SFT2D2: variants seen among roughly 807,000 people sequenced by gnomAD.
SFT2D2 encodes SFT2 domain containing 2.
SFT2D2 carries 21 observed loss-of-function variants against 27.4 expected under a neutral mutation model. That is an observed-to-expected ratio of 0.77 (90% confidence interval 0.54 to 1.10). The LOEUF (loss-of-function observed/expected upper bound fraction) is 1.10, where lower values mean the gene tolerates loss of function less well. SFT2D2 is among the 50% of genes least tolerant of loss of function. The pLI is 0.00. For missense variants in SFT2D2, 187 were observed against 194.2 expected, an observed-to-expected ratio of 0.96 and a Z score of 0.22; for synonymous variants, 72 against 71.7, an observed-to-expected ratio of 1.00 and a Z score of -0.02.
At chr1:168,226,317 G>A (rs1054555786) in intron 1 of SFT2D2, among the ~76,000 whole-genome samples, 175 bp downstream of exon 1, 5 of 152,132 alleles carry the variant, frequency 3.3e-5, no homozygotes, top group African/African-American at 9.7e-5. Context: ...ACGGGGCAGT[G>A]GCCGCGGCGT....
At chr1:168,242,171 T>TTA (rs1647663218) in intron 7 of SFT2D2, among the ~76,000 whole-genome samples, 1 of 152,224 alleles carries the variant, frequency 6.6e-6, no homozygotes. Context: ...TTTTGACCGA[T>TTA]ATTAAAGTGC....
At chr1:168,235,211 C>T (rs769323444) in intron 4 of SFT2D2, 29 bp downstream of exon 4, 2 of 1,599,308 alleles carry the variant, frequency 1.3e-6, no homozygotes, top group East Asian at 2.2e-5. Flanking sequence ...CTGGACTTCT[C>T]AGATGGGAGT....
intron 6 of SFT2D2, among the ~76,000 whole-genome samples, chr1:168,238,609 A>G (rs546972043): frequency 1.3e-5 from 2 of 152,204 alleles, no homozygotes; most frequent in South Asian, 2.1e-4. Context: ...TGAGCTTCCT[A>G]GACTTGAGCC....
chr1:168,226,234 A>C (rs1700457304), intron 1 of SFT2D2, 92 bp downstream of exon 1: 2 of 1,183,020 alleles, frequency 1.7e-6, no homozygotes, highest in Non-Finnish European at 2.3e-6. Flanking sequence ...GACTCCCTGG[A>C]GTTTCTGGAC....
At position 168,249,677 on chromosome 1, in the gene SFT2D2, T is replaced by C. The variant is rs536931983; in HGVS notation, c.*7137T>C. ...TGGCTGTGAGCTGTGACTAGTCATA[T>C]ACTAGTTGTGTCATTTTGAACAGGT... On this transcript the variant is annotated 3_prime_UTR_variant, in exon 8 of 8. Transcript: ENST00000271375. 2 of 152,828 alleles carry C rather than the reference T, an allele frequency of 1.3e-5. No homozygotes were observed. Among genetic ancestry groups the C allele is most frequent in the Admixed American group, 6.5e-5 (1 of 15,302 alleles). The allele number at this position is 152,828 out of a possible 1,614,324, so 9.5% of individuals were successfully genotyped here. A position where few individuals can be genotyped will look rare whatever the true frequency, so the allele number is the denominator to read the frequency against.
At position 168,252,472 on chromosome 1, in the gene SFT2D2, C is replaced by T. The variant is rs2102338901; in HGVS notation, c.*9932C>T. On this transcript the variant is annotated 3_prime_UTR_variant, in exon 8 of 8. Coordinates refer to ENST00000271375, the MANE Select transcript of SFT2D2 (RefSeq NM_199344.3). ...GAGCCTTGTTCTAAGTACAGATGAACCTTGTATTTGTGTAATCTCCCAAGG... is the reference window on the plus strand; with the variant it reads ...GAGCCTTGTTCTAAGTACAGATGAATCTTGTATTTGTGTAATCTCCCAAGG... 1 of 152,226 alleles carries T rather than the reference C, an allele frequency of 6.6e-6. No individual in the cohort carries two copies. The highest frequency in any genetic ancestry group is 1.9e-4 in the East Asian group (1 of 5,178). 9.4% of individuals were successfully genotyped at this position (152,226 alleles called of 1,614,324 possible). A position where few individuals can be genotyped will look rare whatever the true frequency, so the allele number is the denominator to read the frequency against.
chr1:168,231,576 T>C lies in SFT2D2; in HGVS notation c.126T>C (p.Ala42=). 6.2e-7 allele frequency: 1 copy of C among 1,614,154 alleles called. No individual in the cohort carries two copies. The highest frequency in any genetic ancestry group is 1.1e-5 in the South Asian group (1 of 91,076). The change falls in exon 2 of 8, where the codon GCT becomes GCC. Residue 42 remains alanine (A), a synonymous_variant. Coordinates refer to ENST00000271375, the MANE Select transcript of SFT2D2 (RefSeq NM_199344.3). ...TAAAAGGCTTCATTGCGTGTTTTGC[T>C]ATAGGAATTCTCTGCTCACTGCTGG... ...TRIKGFIACF[A]IGILCSLLGT...
Position 168,244,369 on chromosome 1 carries a change from G to A in SFT2D2, c.*1829G>A. 6.6e-6 allele frequency: 1 copy of A among 152,148 alleles called. No homozygotes were observed. 9.4% of individuals were successfully genotyped at this position (152,148 alleles called of 1,614,324 possible). On this transcript the variant is annotated 3_prime_UTR_variant, in exon 8 of 8. Transcript: ENST00000271375. ...AATTTTTGTGTTTTTAGTGGAGACAGGGTTTCACCATGTTGGCCAAGCTGG... is the reference window on the plus strand; with the variant it reads ...AATTTTTGTGTTTTTAGTGGAGACAAGGTTTCACCATGTTGGCCAAGCTGG...
chr1:168,239,468 T>C (rs1647589389), intron 7 of SFT2D2, among the ~76,000 whole-genome samples: 1 of 151,810 alleles, frequency 6.6e-6, no homozygotes, highest in African/African-American at 2.4e-5. Flanking sequence ...TTTTTTTTTT[T>C]TTTTTTTTTA....
At chr1:168,228,557 A>C (rs1053663611) in intron 1 of SFT2D2, among the ~76,000 whole-genome samples, 1 of 152,110 alleles carries the variant, frequency 6.6e-6, no homozygotes, top group African/African-American at 2.4e-5. Flanking sequence ...GTTTCAATGG[A>C]CTTCTTTCTG....
chr1:168,236,077 C>G (rs1268682452), intron 4 of SFT2D2, among the ~76,000 whole-genome samples: 3 of 152,186 alleles, frequency 2.0e-5, no homozygotes, highest in Non-Finnish European at 4.4e-5. Context: ...GCCTCAGATG[C>G]CCACGGCCTG....
At chr1:168,230,258 C>T (rs2102328193) in intron 1 of SFT2D2, among the ~76,000 whole-genome samples, 1 of 152,300 alleles carries the variant, frequency 6.6e-6, no homozygotes, top group Non-Finnish European at 1.5e-5. Flanking sequence ...TACCTACCTT[C>T]TTCCATCAGC....
At chr1:168,241,017 C>T (rs1171848600) in intron 7 of SFT2D2, among the ~76,000 whole-genome samples, 1 of 152,082 alleles carries the variant, frequency 6.6e-6, no homozygotes, top group Admixed American at 6.6e-5. Flanking sequence ...AGGTCTCATT[C>T]GTGAAACTTG....
At chr1:168,236,449 A>C in intron 4 of SFT2D2, 140 bp from the exon 5 acceptor site, 1 of 716,666 alleles carries the variant, frequency 1.4e-6, no homozygotes, top group Non-Finnish European at 2.3e-6. Context: ...TATTCTGCCA[A>C]ATATGGGTGC....
rs1647910816 is a variant in SFT2D2, at chr1:168,249,852, T to C, written c.*7312T>C. 6.6e-6 allele frequency: 1 copy of C among 152,202 alleles called. No individual in the cohort carries two copies. Among genetic ancestry groups the C allele is most frequent in the Non-Finnish European group, 1.5e-5 (1 of 68,024 alleles). The allele number at this position is 152,202 out of a possible 1,614,324, so 9.4% of individuals were successfully genotyped here. On this transcript the variant is annotated 3_prime_UTR_variant, in exon 8 of 8. Coordinates refer to ENST00000271375, the MANE Select transcript of SFT2D2 (RefSeq NM_199344.3). ...TAGAGTCTCAGTAGGGTAGGTGTTA[T>C]TTAATCCCAGAAATAACTGACAACT...
rs1007598651 is a variant in SFT2D2, at chr1:168,226,114, A to C, written c.35A>C (p.Asp12Ala). The change falls in exon 1 of 8, where the codon GAC (aspartate) becomes GCC (alanine). Residue 12 changes from aspartate (D) to alanine (A), a missense_variant. Asp to Ala is a moderately radical substitution (Grantham distance 126, BLOSUM62 -2). Transcript: ENST00000271375. ...CTGAAGAAGGTGCTGAGCGGGCAGGACACGGAGGACCGGAGCGGCCTGTCC... is the reference window on the plus strand; with the variant it reads ...CTGAAGAAGGTGCTGAGCGGGCAGGCCACGGAGGACCGGAGCGGCCTGTCC... ...DKLKKVLSGQ[D>A]TEDRSGLSEV... The C allele has an allele frequency of 7.2e-6, 11 of 1,535,860 alleles. No homozygotes were observed. In the Admixed American group the frequency reaches 1.4e-4, roughly 20 times the overall value.
intron 7 of SFT2D2, among the ~76,000 whole-genome samples, chr1:168,240,552 T>C (rs956794480): frequency 6.6e-6 from 1 of 152,124 alleles, no homozygotes; most frequent in Non-Finnish European, 1.5e-5. Context: ...CATATGAATA[T>C]TTTTTGGTCC....
rs184748700 is a variant in SFT2D2 at position 168,238,749 on chromosome 1, C to G, written c.414-382C>G. 3.3e-5 allele frequency among the ~76,000 whole-genome samples: 5 copies of G among 151,878 alleles called. No homozygotes were observed. The East Asian group carries it at 9.7e-4, about 29-fold the overall frequency. On this transcript the variant is annotated intron_variant, in intron 6 of 7. Transcript: ENST00000271375. The stretch of plus-strand genomic sequence containing the variant: ...AGGAGGGGGGTGCGGTTCAACTGTT[C>G]TGGGTTTTATTTGATATTTTTTCAG...
chr1:168,247,116 C>T lies in SFT2D2; in HGVS notation c.*4576C>T. 3.4e-6 allele frequency: 1 copy of T among 297,022 alleles called. No homozygotes were observed. Among genetic ancestry groups the T allele is most frequent in the Non-Finnish European group, 6.9e-6 (1 of 145,374 alleles). 18.4% of individuals were successfully genotyped at this position (297,022 alleles called of 1,614,324 possible). On this transcript the variant is annotated 3_prime_UTR_variant, in exon 8 of 8. Transcript: ENST00000271375. ...TCTTTTGTAGTACACTAGTCTTTTT[C>T]ATTTTTTAATTTTTACTGTAAGTCA...
Sources: gnomAD v4.1 joint callset for allele counts (sites outside exome capture counted in the v4.1 genomes callset) on GRCh38, gnomAD v4.1.1 for gene constraint, MANE v1.5 for transcripts, NCBI Gene and HGNC (gene_info 2026-07-23, HGNC 2026-07-21) for gene names.